PDE10A: variants seen among roughly 807,000 people sequenced by gnomAD.
PDE10A encodes phosphodiesterase 10A, also known as cAMP and cAMP-inhibited cGMP 3',5'-cyclic phosphodiesterase 10A.
Under a neutral mutation model 97.7 loss-of-function variants are expected in PDE10A, and 39 were observed. The observed-to-expected ratio is 0.40, with a 90% CI of 0.31 to 0.52. PDE10A has a LOEUF of 0.52. PDE10A is among the 20% of genes least tolerant of loss of function. PDE10A has a pLI of 0.56. For synonymous variants in PDE10A, 371 were observed against 376.8 expected (o/e 0.98, Z 0.18); for missense variants, 731 against 1,047.8 (o/e 0.70, Z 4.17).
chr6:165,811,131 G>A (rs1189068765), intron 1 of PDE10A, among the ~76,000 whole-genome samples: 4 of 152,166 alleles, frequency 2.6e-5, no homozygotes, highest in African/African-American at 4.8e-5. Flanking sequence ...GCTGAGGCAG[G>A]AGAATTGCTT....
chr6:165,831,371 CAAAAAAAAAAAAAA>C (rs760962725), intron 1 of PDE10A, among the ~76,000 whole-genome samples: 1 of 44,802 alleles, frequency 2.2e-5, no homozygotes, highest in African/African-American at 9.0e-5. Context: ...GACTCTGTCT[CAAAAAAAAAAAAAA>C]AAAAAAAAAA....
chr6:165,527,449 T>TCC (rs1782513495), intron 2 of PDE10A, among the ~76,000 whole-genome samples: 1 of 152,106 alleles, frequency 6.6e-6, no homozygotes, highest in African/African-American at 2.4e-5. Context: ...CTTTGGCAGG[T>TCC]CCCCATAGGT....
At chr6:165,987,453 A>G (rs2128505657) in intron 1 of PDE10A, 1 of 341,862 alleles carries the variant, frequency 2.9e-6, no homozygotes, top group East Asian at 7.9e-5. Flanking sequence ...GTACACGCAC[A>G]CACACACAAA....
At chr6:165,792,757 G>A (rs1006324432) in intron 1 of PDE10A, among the ~76,000 whole-genome samples, 16 of 152,136 alleles carry the variant, frequency 1.1e-4, no homozygotes, top group African/African-American at 3.9e-4. Context: ...CCAATGGGAT[G>A]TCCAACACCC....
intron 9 of PDE10A, among the ~76,000 whole-genome samples, chr6:165,429,667 G>A (rs754463379): frequency 4.8e-4 from 73 of 151,982 alleles, no homozygotes; most frequent in South Asian, 3.9e-3. Flanking sequence ...ACATCCCGGC[G>A]CATATTTTAG....
chr6:165,624,901 G>A (rs1788308634), intron 1 of PDE10A, among the ~76,000 whole-genome samples: 2 of 152,220 alleles, frequency 1.3e-5, no homozygotes, highest in Admixed American at 1.3e-4. Flanking sequence ...GTTAGTCTGG[G>A]GAGACCCGTT....
At chr6:165,616,644 G>A (rs150039188) in intron 1 of PDE10A, among the ~76,000 whole-genome samples, 135 of 152,258 alleles carry the variant, frequency 8.9e-4, no homozygotes, top group African/African-American at 3.1e-3. Context: ...TTATATATCC[G>A]CTGAGTTTCA....
chr6:165,800,912 G>A (rs1778968345), intron 1 of PDE10A, among the ~76,000 whole-genome samples: 1 of 152,186 alleles, frequency 6.6e-6, no homozygotes, highest in Non-Finnish European at 1.5e-5. Context: ...CACTCTGAGA[G>A]TTGAAATTCC....
chr6:165,545,232 C>G (rs1273820920), intron 1 of PDE10A: 1 of 502,250 alleles, frequency 2.0e-6, no homozygotes, highest in Non-Finnish European at 3.9e-6. Context: ...CTTCAACAAT[C>G]CATAATGACG....
At chr6:165,477,108 A>G (rs1191339409) in intron 3 of PDE10A, among the ~76,000 whole-genome samples, 1 of 152,164 alleles carries the variant, frequency 6.6e-6, no homozygotes, top group Non-Finnish European at 1.5e-5. Flanking sequence ...CCCCAGCGGC[A>G]TCATCTCCGA....
At chr6:165,686,342 G>A (rs2128440647) in intron 1 of PDE10A, among the ~76,000 whole-genome samples, 1 of 152,232 alleles carries the variant, frequency 6.6e-6, no homozygotes, top group East Asian at 1.9e-4. Context: ...GGATTTCCCT[G>A]TGCATCGGAC....
intron 1 of PDE10A, chr6:165,775,606 A>G (rs1383238337): frequency 6.6e-6 from 1 of 152,228 alleles, no homozygotes; most frequent in African/African-American, 2.4e-5. Context: ...TGCACCGCTT[A>G]CATTTTCCTA....
intron 2 of PDE10A, among the ~76,000 whole-genome samples, chr6:165,517,269 A>G (rs1383882566): frequency 6.6e-6 from 1 of 152,192 alleles, no homozygotes; most frequent in Non-Finnish European, 1.5e-5. Flanking sequence ...GACATTTTTC[A>G]CAAATACATC....
chr6:165,516,610 G>A (rs538614310), intron 2 of PDE10A, among the ~76,000 whole-genome samples: 2 of 152,266 alleles, frequency 1.3e-5, no homozygotes, highest in East Asian at 3.9e-4. Context: ...ATTATAAGCA[G>A]CCTTCATATT....
At chr6:165,389,952 T>A (rs1171791581) in intron 16 of PDE10A, among the ~76,000 whole-genome samples, 1 of 152,246 alleles carries the variant, frequency 6.6e-6, no homozygotes, top group Non-Finnish European at 1.5e-5. Context: ...ACAGTTTCTA[T>A]TCTTTCATGA....
At chr6:165,929,085 G>A (rs1315447693) in intron 1 of PDE10A, among the ~76,000 whole-genome samples, 1 of 152,182 alleles carries the variant, frequency 6.6e-6, no homozygotes, top group Non-Finnish European at 1.5e-5. Flanking sequence ...CTGCACAGAA[G>A]GCTGTTTGGA....
intron 1 of PDE10A, among the ~76,000 whole-genome samples, chr6:165,725,873 A>G (rs1238341910): frequency 6.6e-6 from 1 of 152,010 alleles, no homozygotes; most frequent in Non-Finnish European, 1.5e-5. Flanking sequence ...CAAACTTTCA[A>G]TGTGGCAGTT....
intron 1 of PDE10A, among the ~76,000 whole-genome samples, chr6:165,796,229 G>A (rs560463338): frequency 6.6e-6 from 1 of 151,240 alleles, no homozygotes; most frequent in South Asian, 2.1e-4. Flanking sequence ...CCAAGTAGCC[G>A]GGACTACAGG....
chr6:165,353,399 T>C (rs558233324), intron 18 of PDE10A, among the ~76,000 whole-genome samples: 6 of 151,948 alleles, frequency 3.9e-5, no homozygotes, highest in Non-Finnish European at 7.4e-5. Context: ...CCCAGAGGAG[T>C]TGGAAATTTA....
Sources: allele counts gnomAD v4.1 joint callset (sites outside exome capture counted in the v4.1 genomes callset), GRCh38; gene constraint gnomAD v4.1.1; transcripts MANE v1.5; gene names NCBI Gene and HGNC (gene_info 2026-07-23, HGNC 2026-07-21).